The following MYOZ2 variants were observed in gnomAD, a reference collection of about 807,000 sequenced individuals.
The protein encoded by MYOZ2 is myozenin 2, also known as myozenin-2.
Under a neutral mutation model 25.4 loss-of-function variants are expected in MYOZ2, and 19 were observed. That is an observed-to-expected ratio of 0.75 (90% CI 0.52 to 1.10). The LOEUF is 1.10. MYOZ2 is among the 50% of genes least tolerant of loss of function. The probability of loss-of-function intolerance (pLI) is 0.00; values close to 1 mark genes in which losing one functional copy is unlikely to be tolerated. For synonymous variants in MYOZ2, 92 were observed against 106.9 expected (o/e 0.86, Z 0.86); for missense variants, 270 against 317.9 (o/e 0.85, Z 1.15).
At chr4:119,173,088 ACTT>A (rs1205942840) in intron 5 of MYOZ2, among the ~76,000 whole-genome samples, 2 of 152,178 alleles carry the variant, frequency 1.3e-5, no homozygotes, top group Non-Finnish European at 2.9e-5. Flanking sequence ...CATTTTACCT[ACTT>A]CTTCACCTTA....
intron 5 of MYOZ2, among the ~76,000 whole-genome samples, chr4:119,172,001 A>G (rs1478669054): frequency 2.0e-5 from 3 of 152,196 alleles, no homozygotes; most frequent in African/African-American, 7.2e-5. Context: ...GAGGTAAGAT[A>G]TAGTCAAATG....
At chr4:119,179,696 T>C (rs10014363) in intron 5 of MYOZ2, among the ~76,000 whole-genome samples, 1 of 152,152 alleles carries the variant, frequency 6.6e-6, no homozygotes, top group Non-Finnish European at 1.5e-5. Context: ...GAACAGAAAT[T>C]TATTTCCTCA....
chr4:119,168,674 AC>A (rs758912211), intron 5 of MYOZ2, among the ~76,000 whole-genome samples: 15 of 142,412 alleles, frequency 1.1e-4, no homozygotes, highest in Middle Eastern at 6.9e-3. Context: ...TCTAAAAAAA[AC>A]AACAACAAAA....
intron 2 of MYOZ2, among the ~76,000 whole-genome samples, chr4:119,146,633 A>G (rs979273314): frequency 5.9e-5 from 9 of 152,158 alleles, no homozygotes; most frequent in South Asian, 2.1e-4. Context: ...GGTTTATTTT[A>G]TAGCCCAGGA....
At chr4:119,182,861 A>T (rs1035631597) in intron 5 of MYOZ2, among the ~76,000 whole-genome samples, 2 of 152,162 alleles carry the variant, frequency 1.3e-5, no homozygotes, top group Middle Eastern at 3.2e-3. Flanking sequence ...ATACAAATGA[A>T]ATTGAATATG....
chr4:119,152,328 T>A (rs752751724), intron 3 of MYOZ2, among the ~76,000 whole-genome samples: 40 of 152,132 alleles, frequency 2.6e-4, no homozygotes, highest in Non-Finnish European at 4.6e-4. Flanking sequence ...GTCTATGTAA[T>A]CATATTCTTT....
At chr4:119,163,076 A>G (rs1741745275) in intron 4 of MYOZ2, among the ~76,000 whole-genome samples, 1 of 152,328 alleles carries the variant, frequency 6.6e-6, no homozygotes, top group African/African-American at 2.4e-5. Context: ...TTGTGTAAGA[A>G]AAGAGCTTTG....
chr4:119,150,981 A>G lies in MYOZ2; in HGVS notation c.186A>G (p.Gln62=), dbSNP rs1741437352. 6.2e-7 allele frequency: 1 copy of G among 1,613,490 alleles called. No individual in the cohort carries two copies. The highest frequency in any genetic ancestry group is 1.7e-5 in the Admixed American group (1 of 59,994). The part of the protein sequence containing the change: ...NRGARLFKMR[Q]RRSDKYTFEN... ...GTGCCAGGCTATTTAAGATGCGTCA[A>G]AGAAGATCTGACAAATACACATTTG... Residue 62 remains glutamine (Q), a synonymous_variant, in exon 3 of 6, where the codon CAA becomes CAG. Transcript: ENST00000307128.
At chr4:119,158,218 T>G in intron 4 of MYOZ2, 67 bp downstream of exon 4, 1 of 1,572,572 alleles carries the variant, frequency 6.4e-7, no homozygotes, top group Non-Finnish European at 8.8e-7. Flanking sequence ...CTCAAGGCAT[T>G]TAAAGCCTTT....
chr4:119,185,636 A>T (rs1214529977), intron 5 of MYOZ2, among the ~76,000 whole-genome samples: 4 of 152,154 alleles, frequency 2.6e-5, no homozygotes, highest in Non-Finnish European at 5.9e-5. Flanking sequence ...TGAATAGGGG[A>T]AATATTGTTG....
intron 4 of MYOZ2, among the ~76,000 whole-genome samples, chr4:119,160,361 A>G (rs950435187): frequency 6.6e-6 from 1 of 151,978 alleles, no homozygotes; most frequent in Non-Finnish European, 1.5e-5. Context: ...GGACATATGG[A>G]AAAGTGAATG....
At chr4:119,139,998 C>T (rs1430655387) in intron 2 of MYOZ2, among the ~76,000 whole-genome samples, 2 of 152,078 alleles carry the variant, frequency 1.3e-5, no homozygotes, top group African/African-American at 4.8e-5. Flanking sequence ...AAACAGGAAG[C>T]CCAGGTTCTA....
intron 5 of MYOZ2, among the ~76,000 whole-genome samples, chr4:119,175,519 G>T (rs1284762184): frequency 6.6e-6 from 1 of 152,126 alleles, no homozygotes; most frequent in African/African-American, 2.4e-5. Flanking sequence ...CCAGCACTTT[G>T]GGAGGCTGGG....
At chr4:119,172,396 C>T (rs1386440684) in intron 5 of MYOZ2, among the ~76,000 whole-genome samples, 1 of 152,084 alleles carries the variant, frequency 6.6e-6, no homozygotes, top group Non-Finnish European at 1.5e-5. Flanking sequence ...CAGTGAGTCA[C>T]GAGTGCTGAT....
chr4:119,174,765 A>G (rs956738417), intron 5 of MYOZ2, among the ~76,000 whole-genome samples: 2 of 152,108 alleles, frequency 1.3e-5, no homozygotes, highest in African/African-American at 4.8e-5. Flanking sequence ...CCTTCCACAC[A>G]GTGGAAGCTT....
chr4:119,185,901 A>T, intron 5 of MYOZ2, 65 bp from the exon 6 acceptor site: 2 of 1,329,714 alleles, frequency 1.5e-6, no homozygotes, highest in Admixed American at 3.5e-5. Flanking sequence ...AAATTATGAA[A>T]TTGTTTTCTA....
intron 2 of MYOZ2, 116 bp from the exon 3 acceptor site, chr4:119,150,755 AT>A: frequency 9.8e-7 from 1 of 1,019,976 alleles, no homozygotes; most frequent in Non-Finnish European, 1.5e-6. Context: ...GAGAAAATAA[AT>A]GACATACTTA....
chr4:119,139,742 C>A (rs184363738), intron 2 of MYOZ2, among the ~76,000 whole-genome samples: 221 of 152,232 alleles, frequency 1.5e-3, no homozygotes, highest in African/African-American at 5.1e-3. Flanking sequence ...TGACTTTAAG[C>A]ATGGATATTG....
At chr4:119,181,419 T>C (rs939235542) in intron 5 of MYOZ2, among the ~76,000 whole-genome samples, 1 of 152,202 alleles carries the variant, frequency 6.6e-6, no homozygotes, top group African/African-American at 2.4e-5. Context: ...TTTCATCATA[T>C]TGTCTGCTCC....
Sources: gnomAD v4.1 joint callset for allele counts (sites outside exome capture counted in the v4.1 genomes callset) on GRCh38, gnomAD v4.1.1 for gene constraint, MANE v1.5 for transcripts, NCBI Gene and HGNC (gene_info 2026-07-23, HGNC 2026-07-21) for gene names.